The following MICU1 variants were observed in gnomAD, a reference collection of about 807,000 sequenced individuals.
MICU1 encodes mitochondrial calcium uptake 1.
MICU1 carries 45 observed loss-of-function variants against 56.8 expected under a neutral mutation model. That is an observed-to-expected ratio of 0.79 (90% CI 0.62 to 1.02). MICU1 has a LOEUF of 1.02. Ranked by LOEUF, MICU1 falls within the 50% of genes least tolerant of loss-of-function variation. The pLI, the probability that MICU1 is intolerant of heterozygous loss-of-function variation, is 0.00. For missense variants in MICU1, 504 were observed against 587.1 expected (o/e 0.86, Z 1.46); for synonymous variants, 186 against 195.1 (o/e 0.95, Z 0.39).
At chr10:72,427,685 A>G (rs974539692) in intron 8 of MICU1, among the ~76,000 whole-genome samples, 3 of 150,594 alleles carry the variant, frequency 2.0e-5, no homozygotes, top group African/African-American at 7.3e-5. Context: ...GGATCGCTTG[A>G]GCCCAGGAGT....
intron 6 of MICU1, among the ~76,000 whole-genome samples, chr10:72,498,753 A>T (rs1866934305): frequency 6.6e-6 from 1 of 152,198 alleles, no homozygotes; most frequent in African/African-American, 2.4e-5. Context: ...AATTGATTCC[A>T]TGGAAAAGTC....
chr10:72,441,175 A>G (rs1864912395), intron 8 of MICU1, among the ~76,000 whole-genome samples: 1 of 152,176 alleles, frequency 6.6e-6, no homozygotes. Context: ...GATAGACTGG[A>G]TTAAGAAAAT....
chr10:72,431,268 T>C (rs1589213088), intron 8 of MICU1, among the ~76,000 whole-genome samples: 1 of 152,104 alleles, frequency 6.6e-6, no homozygotes. Flanking sequence ...GTAGCAGGGA[T>C]TGCAGGCGAG....
chr10:72,521,934 C>G (rs1368650110), intron 5 of MICU1, among the ~76,000 whole-genome samples: 1 of 152,000 alleles, frequency 6.6e-6, no homozygotes, highest in Non-Finnish European at 1.5e-5. Flanking sequence ...ATGTGCATCA[C>G]TTCAAGAGTG....
chr10:72,511,320 T>C (rs1046217974), intron 5 of MICU1, among the ~76,000 whole-genome samples: 1 of 152,172 alleles, frequency 6.6e-6, no homozygotes, highest in Non-Finnish European at 1.5e-5. Context: ...CTGAACACCA[T>C]AATCCCGAAT....
intron 1 of MICU1, among the ~76,000 whole-genome samples, chr10:72,567,966 T>G (rs1840486373): frequency 1.3e-5 from 2 of 152,138 alleles, no homozygotes; most frequent in Admixed American, 1.3e-4. Flanking sequence ...TTTACAGATC[T>G]AAAATATAAC....
intron 8 of MICU1, among the ~76,000 whole-genome samples, chr10:72,448,121 A>ATATGTG (rs1554872385): frequency 4.1e-5 from 5 of 121,786 alleles, no homozygotes; most frequent in East Asian, 4.7e-4. Context: ...GTTTATATAT[A>ATATGTG]TGTGTGTGTG....
chr10:72,379,024 T>C (rs149537967), intron 10 of MICU1, among the ~76,000 whole-genome samples: 13 of 152,270 alleles, frequency 8.5e-5, no homozygotes, highest in East Asian at 5.8e-4. Context: ...ATTCATGAGA[T>C]GTGTGTTGGG....
intron 9 of MICU1, among the ~76,000 whole-genome samples, chr10:72,414,331 TGTA>T (rs1421981498): frequency 6.6e-6 from 1 of 152,224 alleles, no homozygotes; most frequent in African/African-American, 2.4e-5. Flanking sequence ...AAAAATGTAA[TGTA>T]GTAAATAAAA....
At chr10:72,444,155 A>G (rs1268803684) in intron 8 of MICU1, among the ~76,000 whole-genome samples, 1 of 145,662 alleles carries the variant, frequency 6.9e-6, no homozygotes, top group Non-Finnish European at 1.5e-5. Flanking sequence ...TCTCACTCAT[A>G]GGTGGGAATT....
intron 4 of MICU1, among the ~76,000 whole-genome samples, chr10:72,548,418 G>T (rs1295466716): frequency 6.6e-6 from 1 of 152,124 alleles, no homozygotes; most frequent in African/African-American, 2.4e-5. Flanking sequence ...TGCTATTAAG[G>T]AATAACTGCT....
chr10:72,489,308 AC>A (rs1866577016), intron 6 of MICU1, among the ~76,000 whole-genome samples: 1 of 145,996 alleles, frequency 6.8e-6, no homozygotes, highest in African/African-American at 2.8e-5. Context: ...ACACACACAC[AC>A]ACACACACAC....
chr10:72,368,389 G>T, intron 11 of MICU1, 34 bp from the exon 12 acceptor site: 1 of 1,600,662 alleles, frequency 6.2e-7, no homozygotes, highest in Non-Finnish European at 8.5e-7. Flanking sequence ...AGGGATAAGT[G>T]TTGGCCTTGG....
intron 10 of MICU1, among the ~76,000 whole-genome samples, chr10:72,377,717 T>C (rs767453283): frequency 2.0e-5 from 3 of 152,210 alleles, no homozygotes; most frequent in Non-Finnish European, 4.4e-5. Context: ...AAAGGATTAA[T>C]TTCCATTTAT....
intron 1 of MICU1, among the ~76,000 whole-genome samples, chr10:72,569,223 A>ATTTTTTTTTTT (rs1564939690): frequency 2.5e-5 from 1 of 39,244 alleles, no homozygotes; most frequent in African/African-American, 1.3e-4. Flanking sequence ...ATATATATAT[A>ATTTTTTTTTTT]TATATATATA....
In MICU1 at chr10:72,566,772, A is replaced by C; in HGVS notation, c.22T>G (p.Ser8Ala). Residue 8 changes from serine (S) to alanine (A), a missense_variant, in exon 2 of 12, where the codon TCT becomes GCT. Physicochemically the swap from Ser to Ala is moderately conservative, Grantham distance 99 (BLOSUM62 1). Coordinates refer to ENST00000361114, the MANE Select transcript of MICU1 (RefSeq NM_001195518.2). ...CCCACAGCCAGTTCTGCCAAAGCAG[A>C]AAGTGAGTTCAGACGAAACATCCTG... MFRLNSL[S>A]ALAELAVGSR... 1 of 1,612,176 alleles carries C rather than the reference A, an allele frequency of 6.2e-7. No homozygotes were observed. The highest frequency in any genetic ancestry group is 2.2e-5 in the East Asian group (1 of 44,826).
intron 1 of MICU1, among the ~76,000 whole-genome samples, chr10:72,615,452 C>T (rs973222520): frequency 7.2e-5 from 11 of 151,834 alleles, no homozygotes; most frequent in Non-Finnish European, 1.3e-4. Flanking sequence ...TTCTCTATTC[C>T]TTTTTTTTCC....
chr10:72,424,106 A>C (rs936527459), intron 8 of MICU1, among the ~76,000 whole-genome samples: 6 of 129,476 alleles, frequency 4.6e-5, no homozygotes, highest in Non-Finnish European at 1.9e-5. Flanking sequence ...TATAACAGTG[A>C]CCATTTCCCC....
intron 2 of MICU1, among the ~76,000 whole-genome samples, chr10:72,564,342 A>G (rs567130235): frequency 6.6e-6 from 1 of 152,218 alleles, no homozygotes; most frequent in Admixed American, 6.5e-5. Flanking sequence ...GGAGTTCGAG[A>G]CCTGCCTAGC....
Sources: gnomAD v4.1 joint callset for allele counts (sites outside exome capture counted in the v4.1 genomes callset) on GRCh38, gnomAD v4.1.1 for gene constraint, MANE v1.5 for transcripts, NCBI Gene and HGNC (gene_info 2026-07-23, HGNC 2026-07-21) for gene names.